NPFFR2: variants seen among roughly 807,000 people sequenced by gnomAD.
NPFFR2 encodes neuropeptide FF receptor 2.
NPFFR2 carries 15 observed loss-of-function variants against 13.1 expected under a neutral mutation model. The ratio of observed to expected loss-of-function variants is 1.15; its 90% CI spans 0.77 to 1.76. The LOEUF (loss-of-function observed/expected upper bound fraction) is 1.76, where lower values mean the gene tolerates loss of function less well. Ranked by LOEUF, NPFFR2 falls within the 40% of genes most tolerant of loss-of-function variation. The probability of loss-of-function intolerance (pLI) is 0.00; values close to 1 mark genes in which losing one functional copy is unlikely to be tolerated. For missense variants in NPFFR2, 572 were observed against 503.5 expected, an observed-to-expected ratio of 1.14 and a Z score of -1.30; for synonymous variants, 190 against 175.7, an observed-to-expected ratio of 1.08 and a Z score of -0.65.
At chr4:72,102,414 G>C (rs574298831) in intron 1 of NPFFR2, among the ~76,000 whole-genome samples, 2 of 151,932 alleles carry the variant, frequency 1.3e-5, no homozygotes, top group Non-Finnish European at 2.9e-5. Flanking sequence ...TTTAGGGTAC[G>C]TATGCACAAC....
chr4:72,059,594 T>G (rs903807103), intron 1 of NPFFR2, among the ~76,000 whole-genome samples: 4 of 152,110 alleles, frequency 2.6e-5, no homozygotes, highest in Non-Finnish European at 5.9e-5. Context: ...GATATAGTAA[T>G]TGCTTTTGGT....
At chr4:72,075,974 CAT>C (rs369937024) in intron 1 of NPFFR2, among the ~76,000 whole-genome samples, 81,808 of 122,274 alleles carry the variant, frequency 0.67, 24,348 homozygotes, top group Non-Finnish European at 0.73. Flanking sequence ...CACACACACA[CAT>C]ACACACACAC....
At chr4:72,032,297 G>T in intron 1 of NPFFR2, 97 bp downstream of exon 1, 1 of 1,303,530 alleles carries the variant, frequency 7.7e-7, no homozygotes, top group Non-Finnish European at 1.0e-6. Context: ...ATTAGCGATT[G>T]TGGACCGACA....
intron 1 of NPFFR2, among the ~76,000 whole-genome samples, chr4:72,091,081 T>C (rs1388562436): frequency 6.6e-6 from 1 of 152,156 alleles, no homozygotes; most frequent in Admixed American, 6.6e-5. Flanking sequence ...TCTGCATCTA[T>C]TGAGATGATC....
intron 1 of NPFFR2, among the ~76,000 whole-genome samples, chr4:72,119,491 A>G (rs1018840493): frequency 9.2e-5 from 14 of 152,156 alleles, no homozygotes; most frequent in African/African-American, 3.1e-4. Context: ...AGCTGGCAAG[A>G]TGGCCTAATA....
intron 1 of NPFFR2, among the ~76,000 whole-genome samples, chr4:72,044,681 C>A (rs938338054): frequency 6.6e-6 from 1 of 151,512 alleles, no homozygotes; most frequent in African/African-American, 2.4e-5. Flanking sequence ...TAGCCATTGG[C>A]CATGTTTATG....
intron 1 of NPFFR2, among the ~76,000 whole-genome samples, chr4:72,049,034 G>C (rs538228877): frequency 6.6e-6 from 1 of 151,948 alleles, no homozygotes; most frequent in Non-Finnish European, 1.5e-5. Context: ...ATAAAGAAAA[G>C]GAAGAAAGTT....
Position 72,083,368 on chromosome 4 carries a change from T to C in NPFFR2, c.-7-45217T>C, listed in dbSNP as rs1239961152. Among the ~76,000 whole-genome samples the C allele has an allele frequency of 2.6e-5, 4 of 152,364 alleles. No individual in the cohort carries two copies. The East Asian group carries it at 7.7e-4, about 29-fold the overall frequency. ...CCAACACTTGTTATATTTTGTCTTT[T>C]TGATAATAGCCCTTCTGATAGATGT... On this transcript the variant is annotated intron_variant, in intron 1 of 3. Transcript: ENST00000308744.
At chr4:72,104,657 C>G (rs898027108) in intron 1 of NPFFR2, among the ~76,000 whole-genome samples, 2 of 152,114 alleles carry the variant, frequency 1.3e-5, no homozygotes, top group South Asian at 4.1e-4. Flanking sequence ...AACTTCTACC[C>G]CTGGTACTTT....
intron 1 of NPFFR2, among the ~76,000 whole-genome samples, chr4:72,061,800 G>A (rs886892111): frequency 1.3e-5 from 2 of 152,000 alleles, no homozygotes; most frequent in African/African-American, 4.8e-5. Flanking sequence ...GGAGGCAAGG[G>A]GAGGGAGAGC....
intron 1 of NPFFR2, among the ~76,000 whole-genome samples, chr4:72,047,552 C>A (rs534728123): frequency 3.0e-4 from 46 of 152,246 alleles, no homozygotes; most frequent in Non-Finnish European, 5.9e-4. Context: ...TTAGCTCTCC[C>A]TGATCTACTT....
Position 72,128,666 on chromosome 4 carries a change from T to C in NPFFR2, c.75T>C (p.His25=). The C allele has an allele frequency of 6.2e-7, 1 of 1,613,868 alleles. No individual in the cohort carries two copies. Among genetic ancestry groups the C allele is most frequent in the Non-Finnish European group, 8.5e-7 (1 of 1,179,740 alleles). Residue 25 remains histidine (H), a synonymous_variant, in exon 2 of 4, where the codon CAT becomes CAC. Transcript: ENST00000308744. ...PIWNVNDTKH[H]LYSDINITYV... is the part of the protein sequence containing the mutation. Reference sequence around the variant, plus strand: ...GGAATGTCAATGACACAAAGCATCATCTGTACTCAGATATTAATATTACCT... The same window carrying C: ...GGAATGTCAATGACACAAAGCATCACCTGTACTCAGATATTAATATTACCT...
intron 3 of NPFFR2, among the ~76,000 whole-genome samples, chr4:72,143,941 T>C (rs1722703943): frequency 6.6e-6 from 1 of 152,190 alleles, no homozygotes; most frequent in African/African-American, 2.4e-5. Flanking sequence ...CCTCGTTACC[T>C]ACCTTCCCAT....
intron 3 of NPFFR2, among the ~76,000 whole-genome samples, chr4:72,143,593 G>C (rs774075520): frequency 6.6e-6 from 1 of 152,030 alleles, no homozygotes; most frequent in Non-Finnish European, 1.5e-5. Context: ...TTTTATAGGC[G>C]CATCCAGAAA....
intron 1 of NPFFR2, among the ~76,000 whole-genome samples, chr4:72,088,652 G>A (rs1720832508): frequency 6.6e-6 from 1 of 151,922 alleles, no homozygotes; most frequent in African/African-American, 2.4e-5. Context: ...AAGGCAAAGG[G>A]GAAGCAACAC....
At chr4:72,098,125 T>C (rs1462683302) in intron 1 of NPFFR2, among the ~76,000 whole-genome samples, 1 of 152,184 alleles carries the variant, frequency 6.6e-6, no homozygotes. Flanking sequence ...GCTCAATGAA[T>C]GTGCATTGAA....
At chr4:72,132,949 T>C (rs764281994) in intron 2 of NPFFR2, among the ~76,000 whole-genome samples, 16 of 152,224 alleles carry the variant, frequency 1.1e-4, no homozygotes, top group Non-Finnish European at 2.2e-4. Context: ...GTAGGTTGTC[T>C]CTTTACTCTG....
intron 3 of NPFFR2, among the ~76,000 whole-genome samples, chr4:72,138,919 A>T (rs1442204057): frequency 6.6e-6 from 1 of 152,152 alleles, no homozygotes; most frequent in Non-Finnish European, 1.5e-5. Flanking sequence ...CCTCTCCAGC[A>T]TCTGTTGTTT....
At chr4:72,081,491 GTTTTTTT>G (rs11435353) in intron 1 of NPFFR2, among the ~76,000 whole-genome samples, 1 of 143,926 alleles carries the variant, frequency 6.9e-6, no homozygotes, top group African/African-American at 2.6e-5. Flanking sequence ...TTTAAGAATT[GTTTTTTT>G]TTTTTTTGAG....
Sources: allele counts gnomAD v4.1 joint callset (sites outside exome capture counted in the v4.1 genomes callset), GRCh38; gene constraint gnomAD v4.1.1; transcripts MANE v1.5; gene names NCBI Gene and HGNC (gene_info 2026-07-23, HGNC 2026-07-21).